Variants in ASPH observed in about 807,000 individuals in gnomAD.
ASPH encodes aspartyl/asparaginyl beta-hydroxylase.
In ASPH, 100 loss-of-function variants were observed where a neutral mutation model predicts 118.4. The ratio of observed to expected loss-of-function variants is 0.84; its 90% CI spans 0.72 to 1.00. ASPH has a LOEUF of 1.00. ASPH is among the 50% of genes least tolerant of loss of function. The probability of loss-of-function intolerance (pLI) is 0.00; values close to 1 mark genes in which losing one functional copy is unlikely to be tolerated. For missense variants in ASPH, 920 were observed against 919.5 expected (o/e 1.00, Z -0.01); for synonymous variants, 315 against 325.6 (o/e 0.97, Z 0.35).
chr8:61,667,163 A>G (rs978012989), intron 3 of ASPH, among the ~76,000 whole-genome samples: 2 of 152,170 alleles, frequency 1.3e-5, no homozygotes, highest in African/African-American at 4.8e-5. Flanking sequence ...TACAAACAAT[A>G]TGCCAAGCCC....
intron 18 of ASPH, among the ~76,000 whole-genome samples, chr8:61,562,389 C>CTCTGTATGTGTG (rs71257370): frequency 7.8e-6 from 1 of 128,994 alleles, no homozygotes; most frequent in Non-Finnish European, 1.6e-5. Context: ...GAAAGTGTGT[C>CTCTGTATGTGTG]TGTGTGTGTG....
intron 18 of ASPH, among the ~76,000 whole-genome samples, chr8:61,557,121 T>C (rs1828151570): frequency 6.6e-6 from 1 of 152,162 alleles, no homozygotes; most frequent in South Asian, 2.1e-4. Flanking sequence ...TCTCTCTATA[T>C]CTTCTTACAG....
intron 14 of ASPH, among the ~76,000 whole-genome samples, chr8:61,616,534 TAC>T (rs1849095514): frequency 6.6e-6 from 1 of 152,200 alleles, no homozygotes; most frequent in South Asian, 2.1e-4. Flanking sequence ...CTCTGTTTGG[TAC>T]ACAGATGTGC....
intron 3 of ASPH, among the ~76,000 whole-genome samples, chr8:61,672,545 T>C (rs1178974993): frequency 6.6e-6 from 1 of 151,840 alleles, no homozygotes; most frequent in Non-Finnish European, 1.5e-5. Flanking sequence ...ACTCAGTATT[T>C]TATTATGCAA....
At chr8:61,675,717 C>A in intron 3 of ASPH, 1 of 1,035,394 alleles carries the variant, frequency 9.7e-7, no homozygotes, top group East Asian at 8.3e-5. Flanking sequence ...GAAAGACAAG[C>A]ATCAAGGGTT....
intron 12 of ASPH, among the ~76,000 whole-genome samples, chr8:61,637,216 C>T (rs1858222439): frequency 6.6e-6 from 1 of 152,104 alleles, no homozygotes; most frequent in African/African-American, 2.4e-5. Context: ...CACCTTCACA[C>T]CCCCACGCAG....
At chr8:61,679,942 T>TAA (rs1334197757) in intron 3 of ASPH, among the ~76,000 whole-genome samples, 4 of 67,768 alleles carry the variant, frequency 5.9e-5, no homozygotes, top group African/African-American at 1.1e-4. Flanking sequence ...TGGGCAATAA[T>TAA]AAAAAAAAAA....
intron 24 of ASPH, among the ~76,000 whole-genome samples, chr8:61,504,266 T>C (rs1428389760): frequency 6.6e-6 from 1 of 152,186 alleles, no homozygotes; most frequent in East Asian, 1.9e-4. Flanking sequence ...ACACTGATGG[T>C]TCCTTATTTT....
At chr8:61,663,728 T>C in intron 3 of ASPH, 1 of 972,200 alleles carries the variant, frequency 1.0e-6, no homozygotes, top group Non-Finnish European at 1.2e-6. Context: ...TTTTAAGCAA[T>C]AAAATAACAG....
At chr8:61,653,937 C>T (rs1013935170) in intron 3 of ASPH, among the ~76,000 whole-genome samples, 4 of 152,136 alleles carry the variant, frequency 2.6e-5, no homozygotes, top group Non-Finnish European at 5.9e-5. Context: ...CATGTCTAAA[C>T]CTGCCAAAAG....
intron 3 of ASPH, chr8:61,664,982 C>T (rs1818801061): frequency 8.5e-6 from 10 of 1,169,728 alleles, no homozygotes; most frequent in African/African-American, 1.6e-5. Context: ...CATAAAAATT[C>T]ATGATACATA....
chr8:61,625,848 C>T, intron 13 of ASPH: 3 of 994,010 alleles, frequency 3.0e-6, no homozygotes, highest in Non-Finnish European at 3.6e-6. Context: ...ATGTTTAACA[C>T]AGTGTACACA....
intron 13 of ASPH, among the ~76,000 whole-genome samples, chr8:61,627,078 T>C (rs1853229738): frequency 6.6e-6 from 1 of 152,316 alleles, no homozygotes; most frequent in East Asian, 1.9e-4. Flanking sequence ...GTGGAATTGT[T>C]TGGGAACAAC....
intron 21 of ASPH, among the ~76,000 whole-genome samples, chr8:61,526,405 C>G (rs1586561139): frequency 6.6e-6 from 1 of 152,162 alleles, no homozygotes; most frequent in Middle Eastern, 3.4e-3. Flanking sequence ...TTTTTGAAAC[C>G]ACAACCTAAG....
intron 15 of ASPH, chr8:61,578,685 CAGG>C (rs1205434352): frequency 6.2e-7 from 1 of 1,605,828 alleles, no homozygotes; most frequent in Non-Finnish European, 8.5e-7. Flanking sequence ...GACTCTGGGC[CAGG>C]AGAAGCTGAA....
intron 3 of ASPH, chr8:61,661,626 C>G (rs547416609): frequency 8.9e-6 from 2 of 225,864 alleles, no homozygotes; most frequent in Middle Eastern, 1.5e-3. Flanking sequence ...AGTAACATGA[C>G]AGTTAACTTA....
At chr8:61,713,948 T>C (rs1838711921) in intron 1 of ASPH, among the ~76,000 whole-genome samples, 1 of 152,188 alleles carries the variant, frequency 6.6e-6, no homozygotes, top group South Asian at 2.1e-4. Context: ...CTTACTCCCA[T>C]GTTCAATTCC....
rs1172860859 is a variant in ASPH, at chr8:61,517,635, C to A, written c.2019G>T (p.Gly673=). ...GCCCTGTGTGCGGCCACACGTGAGT[C>A]CCGGGGTGCATGATGGAATATTTGA... ...GQIKYSIMHP[G]THVWPHTGPT... Residue 673 remains glycine (G), a synonymous_variant, in exon 24 of 25, where the codon GGG becomes GGT. Coordinates refer to ENST00000379454, the MANE Select transcript of ASPH (RefSeq NM_004318.4). 1.2e-6 allele frequency: 2 copies of A among 1,613,912 alleles called. No homozygotes were observed. Among genetic ancestry groups the A allele is most frequent in the African/African-American group, 1.3e-5 (1 of 74,910 alleles).
intron 3 of ASPH, chr8:61,656,402 A>C (rs1813702260): frequency 6.6e-6 from 1 of 152,210 alleles, no homozygotes. Context: ...TTTTCAGACA[A>C]GGCGATGTCC....
Sources: gnomAD v4.1 joint callset for allele counts (sites outside exome capture counted in the v4.1 genomes callset) on GRCh38, gnomAD v4.1.1 for gene constraint, MANE v1.5 for transcripts, NCBI Gene and HGNC (gene_info 2026-07-23, HGNC 2026-07-21) for gene names.